The following FAM83B variants were observed in gnomAD, a reference collection of about 807,000 sequenced individuals.
FAM83B encodes protein FAM83B.
FAM83B carries 26 observed loss-of-function variants against 38.8 expected under a neutral mutation model. That is an observed-to-expected ratio of 0.67 (90% CI 0.49 to 0.93). The LOEUF is 0.93. FAM83B is among the 40% of genes least tolerant of loss of function. FAM83B has a pLI of 0.00. For synonymous variants in FAM83B, 419 were observed against 423.1 expected (o/e 0.99, Z 0.12); for missense variants, 1,237 against 1,197.3 (o/e 1.03, Z -0.49).
At chr6:54,895,699 A>G (rs1011354058) in intron 2 of FAM83B, among the ~76,000 whole-genome samples, 18 of 152,088 alleles carry the variant, frequency 1.2e-4, no homozygotes, top group Admixed American at 1.2e-3. Flanking sequence ...TGAATTAGGG[A>G]AAAATGGGTT....
intron 2 of FAM83B, among the ~76,000 whole-genome samples, chr6:54,901,472 A>T (rs867859280): frequency 6.6e-6 from 1 of 152,320 alleles, no homozygotes; most frequent in South Asian, 2.1e-4. Flanking sequence ...GTCATGAGAT[A>T]ATATATAACA....
intron 4 of FAM83B, among the ~76,000 whole-genome samples, chr6:54,939,405 A>T (rs752034011): frequency 1.3e-4 from 20 of 152,004 alleles, no homozygotes; most frequent in African/African-American, 1.9e-4. Flanking sequence ...AAAAATGATG[A>T]TGGTATTTTG....
chr6:54,855,530 A>G (rs1432393693), intron 1 of FAM83B, among the ~76,000 whole-genome samples: 2 of 152,212 alleles, frequency 1.3e-5, no homozygotes, highest in Non-Finnish European at 2.9e-5. Flanking sequence ...TTCATACTCA[A>G]AGCCATACTC....
chr6:54,914,483 A>C (rs1772989790), intron 2 of FAM83B, among the ~76,000 whole-genome samples: 1 of 151,890 alleles, frequency 6.6e-6, no homozygotes, highest in South Asian at 2.1e-4. Flanking sequence ...TCCATCCATC[A>C]GTCTCTTTGG....
At chr6:54,874,039 C>A (rs888017560) in intron 2 of FAM83B, among the ~76,000 whole-genome samples, 1 of 152,008 alleles carries the variant, frequency 6.6e-6, no homozygotes, top group Non-Finnish European at 1.5e-5. Context: ...TCTCAACTGT[C>A]TTTACTGGAA....
intron 2 of FAM83B, among the ~76,000 whole-genome samples, chr6:54,877,176 G>A (rs574935231): frequency 9.2e-5 from 14 of 152,282 alleles, no homozygotes; most frequent in African/African-American, 3.1e-4. Flanking sequence ...TAGTCCAATA[G>A]GGAATGAAAG....
chr6:54,848,530 A>G (rs1270751831), intron 1 of FAM83B, among the ~76,000 whole-genome samples: 2 of 152,218 alleles, frequency 1.3e-5, no homozygotes, highest in African/African-American at 4.8e-5. Flanking sequence ...CCTTGAGTTT[A>G]TGACGCTAAC....
At chr6:54,935,823 C>T (rs1454948183) in intron 4 of FAM83B, among the ~76,000 whole-genome samples, 1 of 152,016 alleles carries the variant, frequency 6.6e-6, no homozygotes, top group Admixed American at 6.6e-5. Context: ...GTCAACAGGA[C>T]CTTTTGGTTC....
intron 1 of FAM83B, among the ~76,000 whole-genome samples, chr6:54,859,879 T>C (rs1442394639): frequency 2.6e-5 from 4 of 152,180 alleles, no homozygotes; most frequent in South Asian, 4.1e-4. Context: ...AAAGAAGTGG[T>C]TATTGTAAAC....
Position 54,939,845 on chromosome 6 carries a change from G to T in FAM83B, c.874G>T (p.Ala292Ser). 1.2e-6 allele frequency: 2 copies of T among 1,614,004 alleles called. No individual in the cohort carries two copies. The highest frequency in any genetic ancestry group is 1.7e-6 in the Non-Finnish European group (2 of 1,179,966). ...VPSSFAQEES[A>S]RVKHGKALWE... Reference sequence around the variant, plus strand: ...TAGTTCATTTGCTCAGGAAGAATCAGCAAGGGTGAAGCATGGAAAAGCCCT... The same window carrying T: ...TAGTTCATTTGCTCAGGAAGAATCATCAAGGGTGAAGCATGGAAAAGCCCT... The change falls in exon 5 of 5, where the codon GCA becomes TCA. Residue 292 changes from alanine (A) to serine (S), a missense_variant. By Grantham distance (99) the Ala-to-Ser change is moderately conservative. Transcript: ENST00000306858.
At chr6:54,852,171 CATATCTCGTTTTATTG>C (rs1344805898) in intron 1 of FAM83B, among the ~76,000 whole-genome samples, 1 of 152,204 alleles carries the variant, frequency 6.6e-6, no homozygotes, top group African/African-American at 2.4e-5. Flanking sequence ...AAATTAGAAG[CATATCTCGTTTTATTG>C]TGCTTTGCTT....
At chr6:54,848,980 C>T (rs1375322974) in intron 1 of FAM83B, among the ~76,000 whole-genome samples, 1 of 152,092 alleles carries the variant, frequency 6.6e-6, no homozygotes, top group African/African-American at 2.4e-5. Context: ...CACAATTCAC[C>T]TTTTTAAACA....
At chr6:54,903,027 A>G (rs1772697852) in intron 2 of FAM83B, among the ~76,000 whole-genome samples, 1 of 152,242 alleles carries the variant, frequency 6.6e-6, no homozygotes, top group Non-Finnish European at 1.5e-5. Context: ...ACAAGAAGAT[A>G]TGTAGAAAAT....
chr6:54,859,807 T>C (rs1450703424), intron 1 of FAM83B, among the ~76,000 whole-genome samples: 7 of 152,228 alleles, frequency 4.6e-5, no homozygotes, highest in African/African-American at 1.7e-4. Context: ...CTATAAGAAT[T>C]ATCAAACTTT....
At chr6:54,918,928 A>G (rs183344367) in intron 2 of FAM83B, among the ~76,000 whole-genome samples, 75 of 152,242 alleles carry the variant, frequency 4.9e-4, no homozygotes, top group Middle Eastern at 3.4e-3. Context: ...GTGTGATCAC[A>G]GAGCTAGATT....
chr6:54,851,568 G>A (rs1771289369), intron 1 of FAM83B, among the ~76,000 whole-genome samples: 1 of 151,678 alleles, frequency 6.6e-6, no homozygotes, highest in African/African-American at 2.4e-5. Context: ...TGCCTCCCGG[G>A]TTCAAGTGAT....
At chr6:54,893,487 T>C (rs1772450973) in intron 2 of FAM83B, among the ~76,000 whole-genome samples, 1 of 152,168 alleles carries the variant, frequency 6.6e-6, no homozygotes, top group Non-Finnish European at 1.5e-5. Context: ...CTGTTTAGTA[T>C]CTTAATACTT....
chr6:54,853,124 A>C (rs1581877672), intron 1 of FAM83B, among the ~76,000 whole-genome samples: 1 of 152,176 alleles, frequency 6.6e-6, no homozygotes, highest in Non-Finnish European at 1.5e-5. Flanking sequence ...AATTCTGTGA[A>C]GGCTGAGAGA....
In FAM83B at chr6:54,926,543, T is replaced by G; in HGVS notation, c.609+8T>G. ...TCAGTTCAGCGTCTCAGGGTAAGAA[T>G]TCTGTTTTTTTTTTCCTCAAGTATT... On this transcript the variant is annotated splice_region_variant and intron_variant, in intron 3 of 4. Transcript: ENST00000306858. 6.5e-7 allele frequency: 1 copy of G among 1,530,112 alleles called. No homozygotes were observed. Among genetic ancestry groups the G allele is most frequent in the Non-Finnish European group, 8.8e-7 (1 of 1,134,456 alleles). 94.8% of individuals were successfully genotyped at this position (1,530,112 alleles called of 1,614,324 possible).
Sources: gnomAD v4.1 joint callset for allele counts (sites outside exome capture counted in the v4.1 genomes callset) on GRCh38, gnomAD v4.1.1 for gene constraint, MANE v1.5 for transcripts, NCBI Gene and HGNC (gene_info 2026-07-23, HGNC 2026-07-21) for gene names.